PKHD1: variants seen among roughly 807,000 people sequenced by gnomAD.
PKHD1 encodes the protein fibrocystin.
In PKHD1, 291 loss-of-function variants were observed where a neutral mutation model predicts 412.0. The observed-to-expected ratio is 0.71, with a 90% confidence interval of 0.64 to 0.78. The LOEUF (loss-of-function observed/expected upper bound fraction) is 0.78, where lower values mean the gene tolerates loss of function less well. Among genes scored for constraint, PKHD1 ranks in the 30% least tolerant of loss-of-function variants. PKHD1 has a pLI of 0.00. For missense variants in PKHD1, 4,825 were observed against 4,950.7 expected, an observed-to-expected ratio of 0.97 and a Z score of 0.76; for synonymous variants, 1,777 against 1,821.5, an observed-to-expected ratio of 0.98 and a Z score of 0.62.
chr6:51,845,735 G>A (rs960259624), intron 50 of PKHD1, among the ~76,000 whole-genome samples: 1 of 152,130 alleles, frequency 6.6e-6, no homozygotes. Context: ...TACCATATGT[G>A]TATATATAAT....
chr6:51,684,262 G>A (rs1354470621), intron 60 of PKHD1, among the ~76,000 whole-genome samples: 1 of 152,042 alleles, frequency 6.6e-6, no homozygotes, highest in African/African-American at 2.4e-5. Flanking sequence ...CCACCAGGAG[G>A]GCAGCTACCA....
At chr6:51,911,616 G>A (rs1583326909) in intron 39 of PKHD1, among the ~76,000 whole-genome samples, 183 bp downstream of exon 39, 1 of 152,110 alleles carries the variant, frequency 6.6e-6, no homozygotes, top group Admixed American at 6.6e-5. Flanking sequence ...TTGGGCAGTG[G>A]GGCAGAGAGG....
chr6:51,775,096 A>C (rs1180676257), intron 54 of PKHD1, among the ~76,000 whole-genome samples: 5 of 151,374 alleles, frequency 3.3e-5, no homozygotes. Context: ...AAGCTGTGTG[A>C]CAATACAATA....
Position 51,850,333 on chromosome 6 carries a change from C to A in PKHD1, c.7912-2363G>T, listed in dbSNP as rs189934990. Among the ~76,000 whole-genome samples the A allele has an allele frequency of 7.0e-4, 107 of 152,316 alleles. 2 individuals are homozygous for A. The highest frequency in any genetic ancestry group is 2.9e-3 in the Admixed American group (44 of 15,298). ...ACTTTGAAGTCAGGTAGTGTGATGC[C>A]TCCAGCTTTGTTCTTTTGCTTAGGA... On this transcript the variant is annotated intron_variant, in intron 49 of 66. Transcript: ENST00000371117.
intron 11 of PKHD1, among the ~76,000 whole-genome samples, chr6:52,068,259 C>G (rs1810051440): frequency 6.6e-6 from 1 of 152,230 alleles, no homozygotes; most frequent in South Asian, 2.1e-4. Flanking sequence ...CAGGGCTCTT[C>G]ATGGCTGTCT....
chr6:51,981,470 TAC>T (rs1795264092), intron 35 of PKHD1, among the ~76,000 whole-genome samples: 1 of 151,704 alleles, frequency 6.6e-6, no homozygotes, highest in Non-Finnish European at 1.5e-5. Context: ...CTCAGCCTGC[TAC>T]GCCTCACTGG....
intron 35 of PKHD1, among the ~76,000 whole-genome samples, chr6:51,984,314 G>A (rs778840195): frequency 2.6e-5 from 4 of 152,190 alleles, no homozygotes; most frequent in East Asian, 3.8e-4. Flanking sequence ...TATTAACCAA[G>A]TAGTTTCCCC....
chr6:51,806,227 A>AT (rs58870683), intron 52 of PKHD1, among the ~76,000 whole-genome samples: 90,771 of 151,976 alleles, frequency 0.6, 27,515 homozygotes, highest in East Asian at 0.78. Context: ...GTATAATAAA[A>AT]AAAAAAGAGG....
chr6:51,811,919 A>G (rs987701881), intron 52 of PKHD1, among the ~76,000 whole-genome samples: 3 of 152,200 alleles, frequency 2.0e-5, no homozygotes, highest in African/African-American at 7.2e-5. Context: ...GAACAGAAAA[A>G]AATTATGTAT....
chr6:52,026,109 T>C lies in PKHD1; in HGVS notation c.3701A>G (p.Asn1234Ser), dbSNP rs1802145665. 6.2e-7 allele frequency: 1 copy of C among 1,614,154 alleles called. No homozygotes were observed. The highest frequency in any genetic ancestry group is 8.5e-7 in the Non-Finnish European group (1 of 1,180,020). Residue 1234 changes from asparagine (N) to serine (S), a missense_variant, in exon 32 of 67, where the codon AAT (asparagine) becomes AGT (serine). By Grantham distance (46) the Asn-to-Ser change is conservative. Transcript: ENST00000371117. Reference sequence around the variant, plus strand: ...TAAGTTCACAATGTCACAGGACCGATTGCCCACAAGTACCCAAACCAAAGC... The same window carrying C: ...TAAGTTCACAATGTCACAGGACCGACTGCCCACAAGTACCCAAACCAAAGC... ...DPALVWVLVG[N>S]RSCDIVNLTE...
At chr6:52,010,893 C>T (rs1032158751) in intron 34 of PKHD1, among the ~76,000 whole-genome samples, 1 of 152,032 alleles carries the variant, frequency 6.6e-6, no homozygotes, top group Non-Finnish European at 1.5e-5. Flanking sequence ...TTGCCTGAAT[C>T]CCCCTAGGGC....
At chr6:52,032,020 C>T (rs1803129124) in intron 29 of PKHD1, among the ~76,000 whole-genome samples, 1 of 152,106 alleles carries the variant, frequency 6.6e-6, no homozygotes, top group Non-Finnish European at 1.5e-5. Context: ...TAACATGGAG[C>T]TCCCCCTCCC....
chr6:52,008,124 C>G (rs946724885), intron 35 of PKHD1, among the ~76,000 whole-genome samples: 9 of 152,180 alleles, frequency 5.9e-5, no homozygotes, highest in Admixed American at 2.6e-4. Context: ...GACTGGAGTT[C>G]CCTACACACT....
intron 34 of PKHD1, 100 bp downstream of exon 34, chr6:52,017,310 T>C (rs1322460028): frequency 1.1e-6 from 1 of 879,918 alleles, no homozygotes; most frequent in African/African-American, 1.6e-5. Context: ...TTACCACGGC[T>C]GCCAGGCCAC....
At chr6:51,967,116 T>C (rs566929875) in intron 35 of PKHD1, among the ~76,000 whole-genome samples, 5 of 151,846 alleles carry the variant, frequency 3.3e-5, no homozygotes, top group Non-Finnish European at 7.4e-5. Context: ...AAGACCTGGG[T>C]AGACATCAAG....
chr6:51,621,771 T>G (rs905978895), intron 66 of PKHD1: 3 of 152,194 alleles, frequency 2.0e-5, no homozygotes, highest in African/African-American at 7.2e-5. Flanking sequence ...GCACACATTA[T>G]GTGTCAGCGC....
At chr6:51,630,643 G>T (rs2150295004) in intron 65 of PKHD1, among the ~76,000 whole-genome samples, 1 of 152,258 alleles carries the variant, frequency 6.6e-6, no homozygotes, top group Non-Finnish European at 1.5e-5. Flanking sequence ...AATTGAAAAT[G>T]ACAGGCACAG....
chr6:51,903,104 G>T (rs927345364), intron 43 of PKHD1, among the ~76,000 whole-genome samples: 1 of 152,152 alleles, frequency 6.6e-6, no homozygotes, highest in Admixed American at 6.5e-5. Flanking sequence ...ACCAGGAAAC[G>T]ATCAATATCT....
At chr6:51,856,413 T>C (rs1773321684) in intron 48 of PKHD1, among the ~76,000 whole-genome samples, 1 of 152,266 alleles carries the variant, frequency 6.6e-6, no homozygotes, top group East Asian at 1.9e-4. Flanking sequence ...CTCAGCTCAC[T>C]GCAACCTCCA....
Sources: gnomAD v4.1 joint callset for allele counts (sites outside exome capture counted in the v4.1 genomes callset) on GRCh38, gnomAD v4.1.1 for gene constraint, MANE v1.5 for transcripts, NCBI Gene and HGNC (gene_info 2026-07-23, HGNC 2026-07-21) for gene names.